The following ZFP2 variants were observed in gnomAD, a reference collection of about 807,000 sequenced individuals.
The protein encoded by ZFP2 is zinc finger protein ZFP2.
In ZFP2, 33 loss-of-function variants were observed where a neutral mutation model predicts 36.1. The observed-to-expected ratio is 0.92, with a 90% CI of 0.69 to 1.22. ZFP2 has a LOEUF of 1.22. Ranked by LOEUF, ZFP2 falls within the 50% of genes most tolerant of loss-of-function variation. The pLI is 0.00. For synonymous variants in ZFP2, 170 were observed against 178.0 expected, an observed-to-expected ratio of 0.96 and a Z score of 0.36; for missense variants, 522 against 551.4, an observed-to-expected ratio of 0.95 and a Z score of 0.53.
chr5:178,910,571 G>A (rs548328600), intron 1 of ZFP2: 55 of 484,194 alleles, frequency 1.1e-4, no homozygotes, highest in Middle Eastern at 3.4e-4. Context: ...CAGGGTCAAT[G>A]AGGGATTCTT....
chr5:178,906,887 G>A (rs538210595), intron 1 of ZFP2, among the ~76,000 whole-genome samples: 5 of 150,400 alleles, frequency 3.3e-5, no homozygotes, highest in Non-Finnish European at 7.4e-5. Flanking sequence ...TTTTTAATAA[G>A]TTTTTATTTA....
Position 178,922,743 on chromosome 5 carries a change from C to T in ZFP2, c.-78+6033C>T, listed in dbSNP as rs550710647. 1.7e-5 allele frequency: 26 copies of T among 1,551,558 alleles called. 4 individuals are homozygous for T. The highest frequency in any genetic ancestry group is 2.3e-5 in the Non-Finnish European group (26 of 1,137,132). On this transcript the variant is annotated intron_variant, in intron 4 of 4. Coordinates refer to ENST00000361362, the MANE Select transcript of ZFP2 (RefSeq NM_030613.4). ...TTAACTGGAGCAAAGGGAGATATTT[C>T]TTTGTGCAGATTCTGTAAGGGCTGT...
At chr5:178,929,681 A>C (rs569171507) in intron 4 of ZFP2, among the ~76,000 whole-genome samples, 4 of 152,028 alleles carry the variant, frequency 2.6e-5, no homozygotes, top group Non-Finnish European at 4.4e-5. Context: ...AGATGTTCCA[A>C]ACTCTCTCTT....
intron 2 of ZFP2, 39 bp downstream of exon 2, chr5:178,912,758 A>G (rs996012067): frequency 1.2e-4 from 129 of 1,053,818 alleles, no homozygotes; most frequent in Non-Finnish European, 1.4e-4. Context: ...CCTCTTGACA[A>G]TCATAAGGCC....
chr5:178,931,589 T>C lies in ZFP2; in HGVS notation c.276T>C (p.Thr92=). 3.1e-6 allele frequency: 5 copies of C among 1,614,142 alleles called. No individual in the cohort carries two copies. Among genetic ancestry groups the C allele is most frequent in the Non-Finnish European group, 3.4e-6 (4 of 1,180,030 alleles). The change falls in exon 5 of 5, where the codon ACT becomes ACC. Residue 92 remains threonine (T), a synonymous_variant. Transcript: ENST00000361362. ...CACAAAATTCTGAGTTAATTAAAAC[T>C]CAAAGAATGTTTGTAGGAAAGAAGA... ...DATQNSELIK[T]QRMFVGKKIY... is the part of the protein sequence containing the mutation.
intron 4 of ZFP2, among the ~76,000 whole-genome samples, chr5:178,923,471 G>T (rs1188349997): frequency 6.7e-6 from 1 of 149,648 alleles, no homozygotes; most frequent in Non-Finnish European, 1.5e-5. Context: ...GCATGTCACT[G>T]CCAGTCTTTT....
Position 178,922,733 on chromosome 5 carries a change from G to A in ZFP2, c.-78+6023G>A. The A allele has an allele frequency of 1.3e-6, 2 of 1,562,706 alleles. 1 individual carries two copies. The highest frequency in any genetic ancestry group is 1.7e-6 in the Non-Finnish European group (2 of 1,143,566). On this transcript the variant is annotated intron_variant, in intron 4 of 4. Coordinates refer to ENST00000361362, the MANE Select transcript of ZFP2 (RefSeq NM_030613.4). ...ACAAGAACAATTAACTGGAGCAAAG[G>A]GAGATATTTCTTTGTGCAGATTCTG...
intron 1 of ZFP2, among the ~76,000 whole-genome samples, chr5:178,904,946 C>T (rs1470403168): frequency 6.6e-6 from 1 of 152,086 alleles, no homozygotes; most frequent in Non-Finnish European, 1.5e-5. Flanking sequence ...CGTGATCTGC[C>T]TGCCTCAGCT....
chr5:178,896,515 A>G (rs1420556488), intron 1 of ZFP2, among the ~76,000 whole-genome samples: 1 of 152,134 alleles, frequency 6.6e-6, no homozygotes, highest in Non-Finnish European at 1.5e-5. Flanking sequence ...CGCCCTCTGG[A>G]TCTCATTCCG....
In ZFP2 at chr5:178,931,613, G is replaced by A; in HGVS notation, c.300G>A (p.Lys100=). ...IKTQRMFVGK[K]IYECNQCSKT... The stretch of plus-strand genomic sequence containing the variant: ...CTCAAAGAATGTTTGTAGGAAAGAA[G>A]ATCTATGAATGTAATCAGTGCAGCA... Residue 100 remains lysine, a synonymous_variant, in exon 5 of 5, where the codon AAG becomes AAA. Transcript: ENST00000361362. 6.2e-7 allele frequency: 1 copy of A among 1,614,164 alleles called. No homozygotes were observed.
At chr5:178,927,329 C>A (rs1238963741) in intron 4 of ZFP2, among the ~76,000 whole-genome samples, 1 of 152,108 alleles carries the variant, frequency 6.6e-6, no homozygotes, top group Admixed American at 6.6e-5. Context: ...GAAGAAACCT[C>A]TAGATTGTGT....
intron 4 of ZFP2, 47 bp downstream of exon 4, chr5:178,916,757 G>T: frequency 1.0e-6 from 1 of 981,440 alleles, no homozygotes; most frequent in South Asian, 4.7e-5. Flanking sequence ...GGCTCTGAAA[G>T]GTGAAATAAC....
At chr5:178,906,594 T>C (rs1758172395) in intron 1 of ZFP2, among the ~76,000 whole-genome samples, 1 of 152,064 alleles carries the variant, frequency 6.6e-6, no homozygotes, top group Admixed American at 6.5e-5. Context: ...CTCACTCTGT[T>C]GCCTAGGCTG....
Position 178,931,375 on chromosome 5 carries a change from T to G in ZFP2, c.62T>G (p.Leu21Ter). The G allele has an allele frequency of 6.2e-7, 1 of 1,613,942 alleles. No individual in the cohort carries two copies. The highest frequency in any genetic ancestry group is 1.1e-5 in the South Asian group (1 of 91,020). The change falls in exon 5 of 5, where the codon TTA becomes TGA. Residue 21 changes from leucine to a stop codon, truncating the protein, a stop_gained. Transcript: ENST00000361362. LOFTEE classifies it high-confidence loss of function. ...LGETWEPNNW[L>*]EGQQDSHLSQ... is the part of the protein sequence containing the mutation. ...GAAACCTGGGAACCTAATAATTGGTTAGAGGGACAACAGGATAGTCATCTG... is the reference window on the plus strand; with the variant it reads ...GAAACCTGGGAACCTAATAATTGGTGAGAGGGACAACAGGATAGTCATCTG...
chr5:178,932,359 C>T lies in ZFP2; in HGVS notation c.1046C>T (p.Thr349Ile), dbSNP rs775848236. 6.2e-7 allele frequency: 1 copy of T among 1,614,160 alleles called. No homozygotes were observed. The highest frequency in any genetic ancestry group is 8.5e-7 in the Non-Finnish European group (1 of 1,180,038). ...CTAACTCAACATCGGAGAATTCACA[C>T]TGGAGAGAAACCTTATGAGTGTATG... ...SSLTQHRRIH[T>I]GEKPYECMVC... The change falls in exon 5 of 5, where the codon ACT becomes ATT. Residue 349 changes from threonine to isoleucine, a missense_variant. Transcript: ENST00000361362.
intron 1 of ZFP2, among the ~76,000 whole-genome samples, chr5:178,903,734 C>A (rs952796984): frequency 2.0e-5 from 3 of 152,162 alleles, no homozygotes; most frequent in Non-Finnish European, 2.9e-5. Context: ...CTTTGGGAGG[C>A]CGAGGTGGGT....
In ZFP2 at chr5:178,931,865, A is replaced by C; in HGVS notation, c.552A>C (p.Lys184Asn). 4 of 1,612,882 alleles carry C rather than the reference A, an allele frequency of 2.5e-6. No individual in the cohort carries two copies. The highest frequency in any genetic ancestry group is 3.4e-6 in the Non-Finnish European group (4 of 1,179,036). The stretch of plus-strand genomic sequence containing the variant: ...ATCAACGAACTCACACCGGAGAGAA[A>C]CCCTATCAGTGTAAAGAGTGTGGCA... ...TVHQRTHTGE[K>N]PYQCKECGKA... The change falls in exon 5 of 5, where the codon AAA becomes AAC. Residue 184 changes from lysine (K) to asparagine (N), a missense_variant. Coordinates refer to ENST00000361362, the MANE Select transcript of ZFP2 (RefSeq NM_030613.4).
At chr5:178,909,540 C>T (rs1758245089) in intron 1 of ZFP2, among the ~76,000 whole-genome samples, 1 of 152,230 alleles carries the variant, frequency 6.6e-6, no homozygotes, top group Non-Finnish European at 1.5e-5. Context: ...ATTCCTTTGA[C>T]TCTGCTGGAC....
chr5:178,896,354 C>T (rs1581823207), intron 1 of ZFP2, among the ~76,000 whole-genome samples: 1 of 152,210 alleles, frequency 6.6e-6, no homozygotes, highest in Non-Finnish European at 1.5e-5. Context: ...CCGGGTTCCT[C>T]CCTGGCTTTC....
Sources: gnomAD v4.1 joint callset for allele counts (sites outside exome capture counted in the v4.1 genomes callset) on GRCh38, gnomAD v4.1.1 for gene constraint, MANE v1.5 for transcripts, NCBI Gene and HGNC (gene_info 2026-07-23, HGNC 2026-07-21) for gene names.